Variants in GCFC2 observed in about 807,000 individuals in gnomAD.
GCFC2 encodes the protein intron Large complex component GCFC2.
In GCFC2, 102 loss-of-function variants were observed where a neutral mutation model predicts 99.4. The observed-to-expected ratio is 1.03, with a 90% CI of 0.87 to 1.21. The LOEUF is 1.21. GCFC2 is among the 50% of genes most tolerant of loss of function. The pLI is 0.00. For synonymous variants in GCFC2, 338 were observed against 316.8 expected (o/e 1.07, Z -0.71); for missense variants, 973 against 920.9 (o/e 1.06, Z -0.73).
At chr2:75,667,623 A>C (rs1462113341) in intron 15 of GCFC2, among the ~76,000 whole-genome samples, 1 of 152,198 alleles carries the variant, frequency 6.6e-6, no homozygotes, top group Non-Finnish European at 1.5e-5. Flanking sequence ...ACCCTTTACT[A>C]TTGAATGTCA....
chr2:75,680,805 C>T (rs1307724508), intron 11 of GCFC2, among the ~76,000 whole-genome samples: 1 of 152,170 alleles, frequency 6.6e-6, no homozygotes, highest in Non-Finnish European at 1.5e-5. Flanking sequence ...CAGCTAATTA[C>T]TTCCTAATTT....
In GCFC2 at chr2:75,662,917, A is replaced by G. The variant is rs1016913486; in HGVS notation, c.*1749T>C. ...CTGCCACTTACGTAAAAAAAAAAAA[A>G]AAACCCAAAACTATGTACACATAGA... On this transcript the variant is annotated 3_prime_UTR_variant, in exon 17 of 17. Coordinates refer to ENST00000321027, the MANE Select transcript of GCFC2 (RefSeq NM_003203.5). 6.6e-6 allele frequency: 1 copy of G among 151,804 alleles called. No homozygotes were observed. The allele number at this position is 151,804 out of a possible 1,614,324, so 9.4% of individuals were successfully genotyped here.
At chr2:75,709,976 A>G (rs1239989789) in intron 1 of GCFC2, among the ~76,000 whole-genome samples, 1 of 152,218 alleles carries the variant, frequency 6.6e-6, no homozygotes, top group Non-Finnish European at 1.5e-5. Flanking sequence ...TTACACCTGT[A>G]TTTAAGAACT....
chr2:75,694,394 G>A lies in GCFC2; in HGVS notation c.867C>T (p.His289=). The A allele has an allele frequency of 1.4e-6, 2 of 1,470,268 alleles. No individual in the cohort carries two copies. The highest frequency in any genetic ancestry group is 9.1e-7 in the Non-Finnish European group (1 of 1,095,050). The allele number at this position is 1,470,268 out of a possible 1,614,324, so 91.1% of individuals were successfully genotyped here. A position where few individuals can be genotyped will look rare whatever the true frequency, so the allele number is the denominator to read the frequency against. The part of the protein sequence containing the change: ...LTLLQETHRS[H]LREYEKYVQD... ...GTACGTATTTTTCATACTCCCTCAG[G>A]TGTGAGCGGTGAGTTTCCTGTAGTA... is the stretch of plus-strand genomic sequence containing the variant. The change falls in exon 6 of 17, where the codon CAC becomes CAT. Residue 289 remains histidine, a synonymous_variant. Transcript: ENST00000321027.
rs1216863985 is a variant in GCFC2, at chr2:75,680,230, T to A, written c.1775A>T (p.His592Leu). 2 of 1,607,378 alleles carry A rather than the reference T, an allele frequency of 1.2e-6. No individual in the cohort carries two copies. ...ACTAACTTCATTTTCACAAGTGGAA[T>A]GTTCTTCAAGAATCACTCTGCAATG... ...ITHCRVILEE[H>L]STCENEVSKS... Residue 592 changes from histidine to leucine, a missense_variant, in exon 12 of 17, where the codon CAT becomes CTT. Coordinates refer to ENST00000321027, the MANE Select transcript of GCFC2 (RefSeq NM_003203.5).
chr2:75,686,523 C>T (rs1431126065), intron 11 of GCFC2, among the ~76,000 whole-genome samples: 1 of 152,146 alleles, frequency 6.6e-6, no homozygotes, highest in African/African-American at 2.4e-5. Context: ...GGAAGGGTCT[C>T]TTGAGGCCAG....
chr2:75,709,256 A>T (rs542343318), intron 1 of GCFC2, among the ~76,000 whole-genome samples: 1 of 152,326 alleles, frequency 6.6e-6, no homozygotes, highest in South Asian at 2.1e-4. Flanking sequence ...TCCAATTCCC[A>T]AAGAGTTTGA....
At chr2:75,700,903 G>A (rs924714616) in intron 4 of GCFC2, among the ~76,000 whole-genome samples, 3 of 152,150 alleles carry the variant, frequency 2.0e-5, no homozygotes, top group African/African-American at 7.2e-5. Context: ...ACACAGTAGA[G>A]ACATGGAAAA....
intron 11 of GCFC2, among the ~76,000 whole-genome samples, chr2:75,682,721 C>T (rs541680991): frequency 6.6e-6 from 1 of 151,736 alleles, no homozygotes; most frequent in Non-Finnish European, 1.5e-5. Context: ...GTATTGCTAA[C>T]TAAAATAACC....
At chr2:75,696,925 AC>A (rs1405546539) in intron 4 of GCFC2, among the ~76,000 whole-genome samples, 1 of 152,038 alleles carries the variant, frequency 6.6e-6, no homozygotes, top group Non-Finnish European at 1.5e-5. Flanking sequence ...AGCTGGGACT[AC>A]AGGCGCCTGC....
intron 4 of GCFC2, among the ~76,000 whole-genome samples, chr2:75,696,918 TG>T (rs1412967620): frequency 6.6e-6 from 1 of 152,140 alleles, no homozygotes; most frequent in African/African-American, 2.4e-5. Context: ...CCCGAGTAGC[TG>T]GGACTACAGG....
chr2:75,675,486 T>TA (rs1679292267), intron 12 of GCFC2, among the ~76,000 whole-genome samples: 1 of 152,134 alleles, frequency 6.6e-6, no homozygotes, highest in Non-Finnish European at 1.5e-5. Flanking sequence ...CTCATGCCTG[T>TA]AATCCTAGCA....
intron 3 of GCFC2, 126 bp downstream of exon 3, chr2:75,702,073 T>C (rs1459745205): frequency 6.9e-7 from 1 of 1,459,032 alleles, no homozygotes; most frequent in Non-Finnish European, 9.0e-7. Context: ...ATGGACCAAA[T>C]CGATGTTAAA....
Position 75,673,457 on chromosome 2 carries a change from G to A in GCFC2, c.1876C>T (p.Leu626=). ...AACAGCGCTTACCTCTTTGGATACA[G>A]AGGAATAAAAACATCATCTTCTACT... ...KAVEDDVFIP[L]YPKSAVENKT... The change falls in exon 13 of 17, where the codon CTG becomes TTG. Residue 626 remains leucine, a synonymous_variant. Coordinates refer to ENST00000321027, the MANE Select transcript of GCFC2 (RefSeq NM_003203.5). The A allele has an allele frequency of 7.3e-7, 1 of 1,377,786 alleles. No individual in the cohort carries two copies. The allele number at this position is 1,377,786 out of a possible 1,614,324, so 85.3% of individuals were successfully genotyped here.
chr2:75,668,040 T>C (rs746466579), intron 15 of GCFC2, among the ~76,000 whole-genome samples: 2 of 152,178 alleles, frequency 1.3e-5, no homozygotes, highest in Admixed American at 6.5e-5. Flanking sequence ...ATGTGTAAGT[T>C]AAACATTAAA....
At chr2:75,705,931 A>C (rs1337641981) in intron 2 of GCFC2, among the ~76,000 whole-genome samples, 3 of 152,190 alleles carry the variant, frequency 2.0e-5, no homozygotes, top group Admixed American at 6.5e-5. Context: ...TAACTGAAAG[A>C]CTGTGATTGT....
chr2:75,698,578 A>G (rs544960754), intron 4 of GCFC2, among the ~76,000 whole-genome samples: 3 of 152,336 alleles, frequency 2.0e-5, no homozygotes, highest in Non-Finnish European at 2.9e-5. Context: ...TTGCATGCAT[A>G]TTGTGGTTCC....
chr2:75,671,058 A>T (rs1366372473), intron 14 of GCFC2, among the ~76,000 whole-genome samples: 1 of 152,156 alleles, frequency 6.6e-6, no homozygotes, highest in Non-Finnish European at 1.5e-5. Flanking sequence ...TCCAATAAAC[A>T]GTGTTTCAGT....
chr2:75,675,248 A>T (rs192858625), intron 12 of GCFC2, among the ~76,000 whole-genome samples: 1 of 152,338 alleles, frequency 6.6e-6, no homozygotes, highest in East Asian at 1.9e-4. Context: ...TGTCTTAACA[A>T]ATATGCACCC....
Sources: allele counts gnomAD v4.1 joint callset (sites outside exome capture counted in the v4.1 genomes callset), GRCh38; gene constraint gnomAD v4.1.1; transcripts MANE v1.5; gene names NCBI Gene and HGNC (gene_info 2026-07-23, HGNC 2026-07-21).